Variants in CUX1 observed in about 807,000 individuals in gnomAD.
CUX1 encodes the protein cut like homeobox 1, also known as protein CASP.
Under a neutral mutation model 158.8 loss-of-function variants are expected in CUX1, and 31 were observed. The observed-to-expected ratio is 0.20, with a 90% CI of 0.15 to 0.26. The LOEUF is 0.26. Among genes scored for constraint, CUX1 ranks in the 10% least tolerant of loss-of-function variants. CUX1 has a pLI of 1.00. For synonymous variants in CUX1, 879 were observed against 862.1 expected (o/e 1.02, Z -0.34); for missense variants, 1,589 against 2,014.6 (o/e 0.79, Z 4.04).
intron 1 of CUX1, among the ~76,000 whole-genome samples, chr7:101,896,434 G>A (rs1473825345): frequency 6.6e-6 from 1 of 152,222 alleles, no homozygotes; most frequent in East Asian, 1.9e-4. Context: ...GAACGCCACA[G>A]TCAGCTTTGT....
At chr7:102,214,655 G>A (rs1554524059) in intron 20 of CUX1, among the ~76,000 whole-genome samples, 1 of 152,188 alleles carries the variant, frequency 6.6e-6, no homozygotes. Context: ...AGCTGTCACG[G>A]CCCCCCGGAG....
chr7:101,957,680 C>G (rs1809935822), intron 2 of CUX1, among the ~76,000 whole-genome samples: 1 of 152,058 alleles, frequency 6.6e-6, no homozygotes, highest in South Asian at 2.1e-4. Context: ...GAGCTGAGAT[C>G]ACGCCACTGC....
At chr7:102,191,962 C>T (rs1411097849) in intron 12 of CUX1, among the ~76,000 whole-genome samples, 2 of 152,190 alleles carry the variant, frequency 1.3e-5, no homozygotes, top group African/African-American at 2.4e-5. Context: ...ACACCAGCCC[C>T]GCTTGTCACT....
chr7:102,151,034 G>C (rs1835591775), intron 8 of CUX1, among the ~76,000 whole-genome samples: 1 of 152,236 alleles, frequency 6.6e-6, no homozygotes, highest in Non-Finnish European at 1.5e-5. Context: ...GATGTGGTTA[G>C]TTGAGCCTTC....
chr7:102,179,513 T>A (rs1554513297), intron 11 of CUX1, among the ~76,000 whole-genome samples: 1 of 152,192 alleles, frequency 6.6e-6, no homozygotes, highest in Admixed American at 6.5e-5. Context: ...TCCAAGCACC[T>A]TTTCCCTCAG....
At chr7:102,112,885 A>G (rs556900521) in intron 7 of CUX1, among the ~76,000 whole-genome samples, 1 of 152,276 alleles carries the variant, frequency 6.6e-6, no homozygotes, top group South Asian at 2.1e-4. Context: ...ATGTATTTTT[A>G]AATTTTTATT....
chr7:101,955,975 G>A (rs1413247186), intron 2 of CUX1, among the ~76,000 whole-genome samples: 4 of 151,846 alleles, frequency 2.6e-5, no homozygotes, highest in African/African-American at 7.3e-5. Context: ...CGAGGTCAGG[G>A]GATGAGACCA....
intron 1 of CUX1, among the ~76,000 whole-genome samples, chr7:101,849,912 ATT>A (rs71106570): frequency 1.0e-3 from 126 of 124,280 alleles, no homozygotes; most frequent in African/African-American, 3.9e-3. Flanking sequence ...GTCTCATGCA[ATT>A]TTTTTTTTTT....
At chr7:101,924,446 C>T (rs1262146990) in intron 2 of CUX1, among the ~76,000 whole-genome samples, 2 of 152,184 alleles carry the variant, frequency 1.3e-5, no homozygotes, top group Non-Finnish European at 2.9e-5. Flanking sequence ...TGGCCCTGCA[C>T]ACCCCCCAGG....
At chr7:102,189,382 T>TTC (rs1428466361) in intron 11 of CUX1, among the ~76,000 whole-genome samples, 23 of 116,210 alleles carry the variant, frequency 2.0e-4, no homozygotes, top group African/African-American at 6.5e-4. Flanking sequence ...GGATGCTTTT[T>TTC]TTTTTTTTTT....
chr7:101,825,995 A>C (rs1793249710), intron 1 of CUX1, among the ~76,000 whole-genome samples: 1 of 152,012 alleles, frequency 6.6e-6, no homozygotes, highest in South Asian at 2.1e-4. Flanking sequence ...CCTCTCCTTA[A>C]ACATCCATGG....
chr7:102,252,135 A>G lies in CUX1; in HGVS notation c.*3093A>G. Reference sequence around the variant, plus strand: ...CTCTATTATTTATTTTTTTAAAAAAAATAGAGATCCTAACCTTAGATCTTT... The same window carrying G: ...CTCTATTATTTATTTTTTTAAAAAAGATAGAGATCCTAACCTTAGATCTTT... On this transcript the variant is annotated 3_prime_UTR_variant, in exon 24 of 24. Transcript: ENST00000292535. 1.0e-6 allele frequency: 1 copy of G among 984,906 alleles called. No individual in the cohort carries two copies. The highest frequency in any genetic ancestry group is 1.2e-6 in the Non-Finnish European group (1 of 829,450). 61.0% of individuals were successfully genotyped at this position (984,906 alleles called of 1,614,324 possible). A position where few individuals can be genotyped will look rare whatever the true frequency, so the allele number is the denominator to read the frequency against.
At chr7:101,838,963 G>A (rs1023150307) in intron 1 of CUX1, among the ~76,000 whole-genome samples, 7 of 152,206 alleles carry the variant, frequency 4.6e-5, no homozygotes, top group African/African-American at 1.4e-4. Context: ...ACGGGCCAAC[G>A]TGGTTCCTGG....
At position 102,212,107 on chromosome 7, in the gene CUX1, G is replaced by A. The variant is rs750338112; in HGVS notation, c.3130+6937G>A. On this transcript the variant is annotated intron_variant, in intron 20 of 23. Coordinates refer to ENST00000292535, the MANE Select transcript of CUX1 (RefSeq NM_181552.4). ...GATGCTTGTGGGATTCAAGATGGGGGCTGGCCACATGTTGCTGGAACCAGC... is the reference window on the plus strand; with the variant it reads ...GATGCTTGTGGGATTCAAGATGGGGACTGGCCACATGTTGCTGGAACCAGC... 8.6e-4 allele frequency among the ~76,000 whole-genome samples: 131 copies of A among 152,212 alleles called. 1 individual carries two copies. Among genetic ancestry groups the A allele is most frequent in the Non-Finnish European group, 1.4e-3 (92 of 68,010 alleles).
chr7:102,129,792 C>T (rs1386558271), intron 8 of CUX1, among the ~76,000 whole-genome samples: 4 of 152,176 alleles, frequency 2.6e-5, no homozygotes, highest in African/African-American at 4.8e-5. Context: ...GTTCGGTCCC[C>T]GCCCAGCTGA....
intron 15 of CUX1, among the ~76,000 whole-genome samples, chr7:102,197,976 G>A (rs571702005): frequency 3.9e-4 from 60 of 152,272 alleles, no homozygotes; most frequent in African/African-American, 1.0e-3. Flanking sequence ...AATCCCAGCC[G>A]GGCACAGTAG....
At chr7:102,272,982 C>T (rs1043086242) in intron 14 of CUX1, among the ~76,000 whole-genome samples, 8 of 152,208 alleles carry the variant, frequency 5.3e-5, no homozygotes, top group Admixed American at 1.3e-4. Context: ...CCTGAGCCTC[C>T]TTGCCCCTGC....
chr7:101,902,695 G>A (rs958468379), intron 1 of CUX1, among the ~76,000 whole-genome samples: 14 of 152,202 alleles, frequency 9.2e-5, no homozygotes, highest in African/African-American at 2.9e-4. Flanking sequence ...TTTGACATCC[G>A]TCTTCTGTCC....
chr7:101,847,252 G>T (rs1335679715), intron 1 of CUX1, among the ~76,000 whole-genome samples: 1 of 152,176 alleles, frequency 6.6e-6, no homozygotes, highest in Non-Finnish European at 1.5e-5. Flanking sequence ...GGAAAATTTA[G>T]TTTTGGGGAA....
Sources: gnomAD v4.1 joint callset for allele counts (sites outside exome capture counted in the v4.1 genomes callset) on GRCh38, gnomAD v4.1.1 for gene constraint, MANE v1.5 for transcripts, NCBI Gene and HGNC (gene_info 2026-07-23, HGNC 2026-07-21) for gene names.